Variants in SAMSN1 observed in about 807,000 individuals in gnomAD.
SAMSN1 encodes the protein SAM domain, SH3 domain and nuclear localization signals 1, also known as SAM domain-containing protein SAMSN-1.
A neutral mutation model predicts 42.0 loss-of-function variants in SAMSN1; 31 were observed. The ratio of observed to expected loss-of-function variants is 0.74; its 90% confidence interval spans 0.55 to 1.00. SAMSN1 has a LOEUF of 1.00. SAMSN1 is among the 50% of genes least tolerant of loss of function. SAMSN1 has a pLI of 0.00. For missense variants in SAMSN1, 464 were observed against 439.4 expected (o/e 1.06, Z -0.50); for synonymous variants, 178 against 151.9 (o/e 1.17, Z -1.26).
chr21:14,557,915 C>T (rs547254456), intron 2 of SAMSN1, among the ~76,000 whole-genome samples: 2 of 152,278 alleles, frequency 1.3e-5, no homozygotes, highest in South Asian at 2.1e-4. Context: ...GTCATCAAAG[C>T]CTGCTTTCCT....
chr21:14,492,257 C>T (rs968721424), intron 7 of SAMSN1, among the ~76,000 whole-genome samples: 5 of 152,192 alleles, frequency 3.3e-5, no homozygotes, highest in Admixed American at 6.5e-5. Flanking sequence ...CTTATTTACA[C>T]TCTTGCACAC....
intron 5 of SAMSN1, among the ~76,000 whole-genome samples, chr21:14,607,660 C>T (rs571214472): frequency 3.8e-4 from 58 of 152,302 alleles, no homozygotes; most frequent in Non-Finnish European, 6.8e-4. Flanking sequence ...CCAGAAGTAA[C>T]TCATCTAAGG....
At position 14,485,272 on chromosome 21, in the gene SAMSN1, T is replaced by C. The variant is rs983838819; in HGVS notation, c.*640A>G. 2.6e-5 allele frequency: 4 copies of C among 152,236 alleles called. No homozygotes were observed. Among genetic ancestry groups the C allele is most frequent in the Non-Finnish European group, 5.9e-5 (4 of 68,068 alleles). The allele number at this position is 152,236 out of a possible 1,614,324, so 9.4% of individuals were successfully genotyped here. ...TTTTTATTATTAACATTAGGGTATGTCAAATTTTAAAATATTTACACTTAA... is the reference window on the plus strand; with the variant it reads ...TTTTTATTATTAACATTAGGGTATGCCAAATTTTAAAATATTTACACTTAA... On this transcript the variant is annotated 3_prime_UTR_variant, in exon 8 of 8. Coordinates refer to ENST00000400566, the MANE Select transcript of SAMSN1 (RefSeq NM_022136.5).
At chr21:14,618,673 TGTGTGTGTGTGTGTGTGTGC>T (rs1278671882) in intron 2 of SAMSN1, among the ~76,000 whole-genome samples, 3 of 89,544 alleles carry the variant, frequency 3.4e-5, no homozygotes, top group East Asian at 6.8e-4. Context: ...TGTGTGTGTG[TGTGTGTGTGTGTGTGTGTGC>T]GCGCGCGCGC....
intron 6 of SAMSN1, among the ~76,000 whole-genome samples, chr21:14,601,162 A>T (rs1982420359): frequency 6.6e-6 from 1 of 152,194 alleles, no homozygotes; most frequent in Non-Finnish European, 1.5e-5. Context: ...TCATCCATGC[A>T]CTGTGGGAGA....
intron 1 of SAMSN1, among the ~76,000 whole-genome samples, chr21:14,540,333 A>G (rs1979930329): frequency 6.6e-6 from 1 of 152,250 alleles, no homozygotes; most frequent in Non-Finnish European, 1.5e-5. Flanking sequence ...AGCAAAAGAA[A>G]CTACCATCAG....
chr21:14,587,009 T>C (rs1210202341), upstream of SAMSN1, among the ~76,000 whole-genome samples: 1 of 152,152 alleles, frequency 6.6e-6, no homozygotes, highest in African/African-American at 2.4e-5. Flanking sequence ...ACAGAGATCC[T>C]TCCAGGAAGC....
chr21:14,611,970 C>T (rs1250018394), intron 4 of SAMSN1, among the ~76,000 whole-genome samples: 1 of 152,152 alleles, frequency 6.6e-6, no homozygotes, highest in African/African-American at 2.4e-5. Context: ...CATGGTGGCT[C>T]ACACCTGTAA....
At chr21:14,620,263 A>G (rs1419305866) in intron 2 of SAMSN1, among the ~76,000 whole-genome samples, 1 of 152,114 alleles carries the variant, frequency 6.6e-6, no homozygotes, top group African/African-American at 2.4e-5. Flanking sequence ...TGAGGGAGGA[A>G]CTTGGAGGGA....
chr21:14,564,608 T>C (rs1246031980), intron 2 of SAMSN1, among the ~76,000 whole-genome samples: 1 of 152,194 alleles, frequency 6.6e-6, no homozygotes, highest in South Asian at 2.1e-4. Flanking sequence ...TGGAGAAAGA[T>C]GATAAGCCAA....
chr21:14,640,008 AC>A (rs913761935), intron 2 of SAMSN1, among the ~76,000 whole-genome samples: 3 of 151,966 alleles, frequency 2.0e-5, no homozygotes, highest in African/African-American at 7.3e-5. Flanking sequence ...TTCATTTAAA[AC>A]CCCCAAATAA....
chr21:14,621,521 C>T (rs1302673776), intron 2 of SAMSN1, among the ~76,000 whole-genome samples: 1 of 152,178 alleles, frequency 6.6e-6, no homozygotes, highest in African/African-American at 2.4e-5. Context: ...TCAGAGGATC[C>T]CATGCCCATG....
chr21:14,498,326 G>A lies in SAMSN1; in HGVS notation c.919+116C>T, dbSNP rs1273637898. ...ACTTATATGAAAATACCTATTTTATGGGAAAGCGTGCTTTCATGATCTCAG... is the reference window on the plus strand; with the variant it reads ...ACTTATATGAAAATACCTATTTTATAGGAAAGCGTGCTTTCATGATCTCAG... On this transcript the variant is annotated intron_variant, in intron 7 of 7. Transcript: ENST00000400566. 4 of 818,110 alleles carry A rather than the reference G, an allele frequency of 4.9e-6. No individual in the cohort carries two copies. The Admixed American group carries it at 1.1e-4, about 23-fold the overall frequency. 50.7% of individuals were successfully genotyped at this position (818,110 alleles called of 1,614,324 possible).
intron 6 of SAMSN1, among the ~76,000 whole-genome samples, chr21:14,597,391 A>G (rs751793824): frequency 1.3e-5 from 2 of 151,996 alleles, no homozygotes; most frequent in Non-Finnish European, 2.9e-5. Flanking sequence ...TGGGATGTGT[A>G]TGGCCAATAT....
intron 2 of SAMSN1, among the ~76,000 whole-genome samples, chr21:14,573,273 A>AT (rs1981358733): frequency 6.6e-6 from 1 of 152,114 alleles, no homozygotes; most frequent in African/African-American, 2.4e-5. Flanking sequence ...TCACCCATCC[A>AT]TTTTTTCAAA....
intron 5 of SAMSN1, among the ~76,000 whole-genome samples, chr21:14,508,413 C>T (rs933050993): frequency 4.6e-5 from 7 of 152,074 alleles, no homozygotes; most frequent in African/African-American, 7.2e-5. Context: ...ATAGACAATT[C>T]TCAAAAGAAG....
chr21:14,600,638 C>A (rs117503501), intron 6 of SAMSN1, among the ~76,000 whole-genome samples: 1 of 152,182 alleles, frequency 6.6e-6, no homozygotes, highest in Non-Finnish European at 1.5e-5. Flanking sequence ...CTTCTTTCCA[C>A]GAAACGGGTC....
At chr21:14,566,891 A>G (rs1006932013) in intron 2 of SAMSN1, among the ~76,000 whole-genome samples, 1 of 152,096 alleles carries the variant, frequency 6.6e-6, no homozygotes, top group African/African-American at 2.4e-5. Flanking sequence ...AAAGAAACAC[A>G]CACATGCACA....
At chr21:14,657,204 A>C (rs1158967509) in intron 1 of SAMSN1, among the ~76,000 whole-genome samples, 1 of 151,872 alleles carries the variant, frequency 6.6e-6, no homozygotes, top group African/African-American at 2.4e-5. Flanking sequence ...TAAGTACCTC[A>C]TACACATTTT....
Sources: allele counts gnomAD v4.1 joint callset (sites outside exome capture counted in the v4.1 genomes callset), GRCh38; gene constraint gnomAD v4.1.1; transcripts MANE v1.5; gene names NCBI Gene and HGNC (gene_info 2026-07-23, HGNC 2026-07-21).